ANKRD30A: variants seen among roughly 807,000 people sequenced by gnomAD.
ANKRD30A encodes the protein ankyrin repeat domain 30A.
A neutral mutation model predicts 166.3 loss-of-function variants in ANKRD30A; 170 were observed. The observed-to-expected ratio is 1.02, with a 90% confidence interval of 0.90 to 1.16. The LOEUF (loss-of-function observed/expected upper bound fraction) is 1.16. Ranked by LOEUF, ANKRD30A falls within the 50% of genes most tolerant of loss-of-function variation. The pLI is 0.00. For missense variants in ANKRD30A, 1,630 were observed against 1,518.0 expected (o/e 1.07, Z -1.23); for synonymous variants, 564 against 508.9 (o/e 1.11, Z -1.46).
At chr10:37,196,822 C>T (rs985567263) in intron 27 of ANKRD30A, among the ~76,000 whole-genome samples, 2 of 152,010 alleles carry the variant, frequency 1.3e-5, no homozygotes, top group African/African-American at 4.8e-5. Context: ...AGTGTATATC[C>T]AAGCTGATCA....
the ANKRD30A span, among the ~76,000 whole-genome samples, chr10:37,241,454 C>G: frequency 6.6e-6 from 1 of 151,420 alleles, no homozygotes; most frequent in Non-Finnish European, 1.5e-5. Context: ...GCATTTTAAA[C>G]CATGTTTCTA....
chr10:37,237,355 A>T (rs1211718642), downstream of ANKRD30A, among the ~76,000 whole-genome samples: 3 of 152,172 alleles, frequency 2.0e-5, no homozygotes, highest in African/African-American at 7.2e-5. Context: ...AACTTTTTTT[A>T]AAAACAGTTA....
intron 25 of ANKRD30A, among the ~76,000 whole-genome samples, chr10:37,192,114 G>A (rs1368486497): frequency 1.3e-5 from 2 of 151,954 alleles, no homozygotes. Context: ...TTGGCTCACT[G>A]CAACCTCCAC....
downstream of ANKRD30A, chr10:37,232,697 T>G (rs71493767): frequency 3.8e-3 from 301 of 78,400 alleles, 4 homozygotes; most frequent in African/African-American, 0.014. Flanking sequence ...TATATATAAA[T>G]AGAGAGAGAG....
intron 13 of ANKRD30A, among the ~76,000 whole-genome samples, chr10:37,157,303 T>C (rs1030530424): frequency 7.9e-5 from 12 of 152,216 alleles, no homozygotes; most frequent in Non-Finnish European, 1.5e-4. Flanking sequence ...GAATAAGCAT[T>C]ATTGTAACAT....
chr10:37,193,614 G>A (rs1021440047), intron 27 of ANKRD30A, among the ~76,000 whole-genome samples: 1 of 151,998 alleles, frequency 6.6e-6, no homozygotes, highest in Middle Eastern at 3.2e-3. Flanking sequence ...TGTTTACTTA[G>A]AAGAAAGTTC....
At chr10:37,265,809 G>C in the ANKRD30A span, among the ~76,000 whole-genome samples, 1 of 152,208 alleles carries the variant, frequency 6.6e-6, no homozygotes, top group Non-Finnish European at 1.5e-5. Context: ...CATATTTTAG[G>C]GGCAGGTCTG....
the ANKRD30A span, among the ~76,000 whole-genome samples, chr10:37,251,873 C>T: frequency 6.6e-6 from 1 of 152,172 alleles, no homozygotes; most frequent in Non-Finnish European, 1.5e-5. Context: ...TTTTTCCACT[C>T]AAGCAATTCA....
the ANKRD30A span, among the ~76,000 whole-genome samples, chr10:37,242,212 T>G: frequency 6.6e-6 from 1 of 152,338 alleles, no homozygotes; most frequent in African/African-American, 2.4e-5. Flanking sequence ...TAATGCAGAA[T>G]GTTCTTCAAT....
the ANKRD30A span, among the ~76,000 whole-genome samples, chr10:37,265,416 G>C: frequency 6.6e-6 from 1 of 152,130 alleles, no homozygotes; most frequent in Non-Finnish European, 1.5e-5. Context: ...ACAGGCTGCT[G>C]GGCCCTGTAT....
chr10:37,203,616 G>C (rs1841797092), intron 31 of ANKRD30A, among the ~76,000 whole-genome samples: 1 of 152,172 alleles, frequency 6.6e-6, no homozygotes, highest in South Asian at 2.1e-4. Context: ...ATTCAACATA[G>C]TGTTGGAAGT....
At chr10:37,255,867 T>G in the ANKRD30A span, among the ~76,000 whole-genome samples, 2 of 152,232 alleles carry the variant, frequency 1.3e-5, no homozygotes. Context: ...AGCTGGACTA[T>G]TCCTGTAAGA....
chr10:37,232,693 T>TATATATATATATATATAA (rs1491500759), downstream of ANKRD30A: 24 of 9,106 alleles, frequency 2.6e-3, 1 homozygote, highest in Non-Finnish European at 4.5e-3. Context: ...TATATATATA[T>TATATATATATATATATAA]AAATAGAGAG....
chr10:37,255,473 G>C, the ANKRD30A span, among the ~76,000 whole-genome samples: 122 of 152,046 alleles, frequency 8.0e-4, no homozygotes, highest in African/African-American at 2.9e-3. Context: ...GTTTTATTGT[G>C]GTAAAAGCAT....
the ANKRD30A span, among the ~76,000 whole-genome samples, chr10:37,250,219 A>C: frequency 6.6e-6 from 1 of 152,150 alleles, no homozygotes; most frequent in African/African-American, 2.4e-5. Flanking sequence ...GGTAGAGCTT[A>C]TATAATAAAA....
At chr10:37,208,010 A>G (rs1054485886) in intron 31 of ANKRD30A, among the ~76,000 whole-genome samples, 1 of 152,160 alleles carries the variant, frequency 6.6e-6, no homozygotes, top group Non-Finnish European at 1.5e-5. Flanking sequence ...GTAAATGGTG[A>G]CTATCAGACA....
chr10:37,222,756 C>G (rs1353935647), intron 34 of ANKRD30A, among the ~76,000 whole-genome samples: 1 of 151,366 alleles, frequency 6.6e-6, no homozygotes, highest in African/African-American at 2.4e-5. Context: ...CTTTCTCTGA[C>G]TGTTCTGACT....
intron 31 of ANKRD30A, among the ~76,000 whole-genome samples, chr10:37,209,617 C>G (rs1842173217): frequency 6.6e-6 from 1 of 152,094 alleles, no homozygotes; most frequent in African/African-American, 2.4e-5. Flanking sequence ...GGTGGGGACA[C>G]ACATCCAAAC....
chr10:37,222,381 C>T lies in ANKRD30A; in HGVS notation c.4185+2484C>T, dbSNP rs1052334450. ...ACAATTTGTGGTGTTTAATGAGTGG[C>T]TTCTCTTACTTAGCATAGTGTTTTT... On this transcript the variant is annotated intron_variant, in intron 34 of 35. Coordinates refer to ENST00000361713, the MANE Select transcript of ANKRD30A (RefSeq NM_052997.3). Among the ~76,000 whole-genome samples the T allele has an allele frequency of 6.6e-5, 10 of 151,258 alleles. No homozygotes were observed. In the Admixed American group the frequency reaches 6.6e-4, roughly 10 times the overall value.
Sources: allele counts gnomAD v4.1 joint callset (sites outside exome capture counted in the v4.1 genomes callset), GRCh38; gene constraint gnomAD v4.1.1; transcripts MANE v1.5; gene names NCBI Gene and HGNC (gene_info 2026-07-23, HGNC 2026-07-21).